Variants in DDX52 observed in about 807,000 individuals in gnomAD.
The protein encoded by DDX52 is DExD-box helicase 52.
Under a neutral mutation model 76.1 loss-of-function variants are expected in DDX52, and 59 were observed. The ratio of observed to expected loss-of-function variants is 0.78; its 90% CI spans 0.63 to 0.96. DDX52 has a LOEUF of 0.96. Among genes scored for constraint, DDX52 ranks in the 40% least tolerant of loss-of-function variants. The pLI is 0.00. For synonymous variants in DDX52, 231 were observed against 244.1 expected, an observed-to-expected ratio of 0.95 and a Z score of 0.50; for missense variants, 707 against 703.9, an observed-to-expected ratio of 1.00 and a Z score of -0.05.
In DDX52 at chr17:37,633,332, T is replaced by C. The variant is rs750468401; in HGVS notation, c.373A>G (p.Ser125Gly). The change falls in exon 3 of 15, where the codon AGT becomes GGT. Residue 125 changes from serine (S) to glycine (G), a missense_variant. Coordinates refer to ENST00000617633, the MANE Select transcript of DDX52 (RefSeq NM_007010.5). Reference protein sequence around the residue: ...KIEDKKVQRESKLTSGKLENL... With the variant: ...KIEDKKVQREGKLTSGKLENL... ...TCCAACTTTCCGGAAGTTAGTTTAC[T>C]TTCTCTCTGAACTTTTTTGTCTTCA... 4.3e-6 allele frequency: 7 copies of C among 1,612,072 alleles called. No individual in the cohort carries two copies. The highest frequency in any genetic ancestry group is 1.1e-5 in the South Asian group (1 of 90,662).
At chr17:37,632,567 G>A (rs953985241) in intron 3 of DDX52, among the ~76,000 whole-genome samples, 1 of 152,152 alleles carries the variant, frequency 6.6e-6, no homozygotes, top group Non-Finnish European at 1.5e-5. Context: ...TAGAAGGCAG[G>A]CATTGAACCC....
chr17:37,616,677 T>TAAAAAAAAAAAAAAAAA (rs2064430649), intron 14 of DDX52, among the ~76,000 whole-genome samples: 2 of 148,424 alleles, frequency 1.3e-5, no homozygotes, highest in African/African-American at 5.1e-5. Flanking sequence ...AAAAAAAAAG[T>TAAAAAAAAAAAAAAAAA]AAATGTGATT....
chr17:37,621,504 A>G lies in DDX52; in HGVS notation c.1244T>C (p.Val415Ala), dbSNP rs2030091831. The change falls in exon 10 of 15, where the codon GTT (valine) becomes GCT (alanine). Residue 415 changes from valine (V) to alanine (A), a missense_variant. Coordinates refer to ENST00000617633, the MANE Select transcript of DDX52 (RefSeq NM_007010.5). ...TTCAATGGACTGAACAAAAACAAGA[A>G]CAGGTGGATTGAAACCCTAAAAGAA... ...ELVKKGFNPP[V>A]LVFVQSIERA... The G allele has an allele frequency of 6.2e-7, 1 of 1,612,190 alleles. No individual in the cohort carries two copies. The highest frequency in any genetic ancestry group is 1.3e-5 in the African/African-American group (1 of 74,874).
At chr17:37,618,975 CA>C (rs1358699244) in intron 13 of DDX52, among the ~76,000 whole-genome samples, 1 of 152,222 alleles carries the variant, frequency 6.6e-6, no homozygotes, top group Non-Finnish European at 1.5e-5. Flanking sequence ...CAACAAGCAT[CA>C]GAGTTTGATT....
intron 7 of DDX52, among the ~76,000 whole-genome samples, chr17:37,626,586 G>A (rs1035214459): frequency 1.3e-5 from 2 of 152,178 alleles, no homozygotes; most frequent in African/African-American, 2.4e-5. Flanking sequence ...ATAGCTTAAT[G>A]TACCTATTCC....
At chr17:37,635,551 C>T (rs917138599) in intron 2 of DDX52, 5 of 450,660 alleles carry the variant, frequency 1.1e-5, no homozygotes, top group South Asian at 3.2e-5. Flanking sequence ...AACAACTTAC[C>T]GTTTTATTAC....
In DDX52 at chr17:37,630,029, C is replaced by A. The variant is rs773188116; in HGVS notation, c.747+1G>T. 27 of 1,608,258 alleles carry A rather than the reference C, an allele frequency of 1.7e-5. No individual in the cohort carries two copies. Among genetic ancestry groups the A allele is most frequent in the Non-Finnish European group, 2.2e-5 (26 of 1,178,496 alleles). On this transcript the variant is annotated splice_donor_variant, in intron 5 of 14. Coordinates refer to ENST00000617633, the MANE Select transcript of DDX52 (RefSeq NM_007010.5). LOFTEE classifies it high-confidence loss of function. ...TACTCTTCAAAAGCTACAAGTCATA[C>A]CTGGCTGGCAAGTTCTCGTGTTGGT...
At chr17:37,621,101 G>A (rs1204266758) in intron 11 of DDX52, 26 bp downstream of exon 11, 1 of 1,593,184 alleles carries the variant, frequency 6.3e-7, no homozygotes, top group Non-Finnish European at 8.5e-7. Context: ...GGGTGACAGA[G>A]GGGAAGGAAA....
Position 37,609,995 on chromosome 17 carries a change from C to T in DDX52, c.*4301G>A, listed in dbSNP as rs1249323701. 6.6e-6 allele frequency: 1 copy of T among 152,220 alleles called. No homozygotes were observed. Among genetic ancestry groups the T allele is most frequent in the Non-Finnish European group, 1.5e-5 (1 of 68,062 alleles). 9.4% of individuals were successfully genotyped at this position (152,220 alleles called of 1,614,324 possible). ...CGAAAAAACTCCAAGGTGTACTACT[C>T]TTGTTTGGTTCTGCCATCCTGCCAC... On this transcript the variant is annotated 3_prime_UTR_variant, in exon 15 of 15. Coordinates refer to ENST00000617633, the MANE Select transcript of DDX52 (RefSeq NM_007010.5).
Position 37,628,669 on chromosome 17 carries a change from G to T in DDX52, c.751C>A (p.His251Asn). Residue 251 changes from histidine to asparagine, a missense_variant, in exon 6 of 15, where the codon CAC becomes AAC. By Grantham distance (68) the His-to-Asn change is moderately conservative. Coordinates refer to ENST00000617633, the MANE Select transcript of DDX52 (RefSeq NM_007010.5). ...TCAGAAATTTTTATTAACTCTCTGT[G>T]AATCTAAAAAAAAAAAGATTAAAAA... ...SPTRELASQI[H>N]RELIKISEGT... 1 of 1,575,708 alleles carries T rather than the reference G, an allele frequency of 6.3e-7. No homozygotes were observed. The highest frequency in any genetic ancestry group is 1.2e-5 in the South Asian group (1 of 85,422).
intron 9 of DDX52, 129 bp from the exon 10 acceptor site, chr17:37,621,649 C>A: frequency 8.2e-7 from 1 of 1,225,532 alleles, no homozygotes. Context: ...ATTTCTTGGG[C>A]TAGTGGTCTA....
chr17:37,635,550 C>T (rs1404881798), intron 2 of DDX52: 2 of 451,836 alleles, frequency 4.4e-6, no homozygotes, highest in Admixed American at 4.8e-5. Context: ...CAACAACTTA[C>T]CGTTTTATTA....
intron 9 of DDX52, 80 bp downstream of exon 9, chr17:37,624,264 C>T: frequency 1.0e-6 from 1 of 985,266 alleles, no homozygotes; most frequent in Non-Finnish European, 1.5e-6. Flanking sequence ...TGATACAGTG[C>T]TACCACTGTA....
chr17:37,623,754 C>CT, intron 9 of DDX52, among the ~76,000 whole-genome samples: 1 of 152,182 alleles, frequency 6.6e-6, no homozygotes, highest in Non-Finnish European at 1.5e-5. Context: ...AAAAAGTACT[C>CT]TTTAGCCCTT....
chr17:37,632,293 G>A lies in DDX52; in HGVS notation c.423C>T (p.Asn141=). Residue 141 remains asparagine (N), a synonymous_variant, in exon 4 of 15, where the codon AAC becomes AAT. Coordinates refer to ENST00000617633, the MANE Select transcript of DDX52 (RefSeq NM_007010.5). ...KLENLRKEKI[N]FLRNKHKIHV... The stretch of plus-strand genomic sequence containing the variant: ...GAATTTTGTGTTTATTCCGCAAGAA[G>A]TTTATCTGAAAAGTGAAGTAAAGAG... 1.9e-6 allele frequency: 3 copies of A among 1,614,022 alleles called. No individual in the cohort carries two copies. The highest frequency in any genetic ancestry group is 2.5e-6 in the Non-Finnish European group (3 of 1,179,970).
chr17:37,619,077 A>G (rs2029941689), intron 13 of DDX52, among the ~76,000 whole-genome samples: 1 of 152,186 alleles, frequency 6.6e-6, no homozygotes, highest in African/African-American at 2.4e-5. Flanking sequence ...GAATCTGAAT[A>G]CTTCACATTT....
intron 4 of DDX52, chr17:37,630,826 G>C (rs1046020498): frequency 1.3e-5 from 2 of 152,174 alleles, no homozygotes; most frequent in African/African-American, 2.4e-5. Context: ...ATTTTTAGTA[G>C]AGACAGGGTT....
chr17:37,635,058 C>T (rs1430260151), intron 2 of DDX52, among the ~76,000 whole-genome samples: 1 of 152,062 alleles, frequency 6.6e-6, no homozygotes, highest in Non-Finnish European at 1.5e-5. Context: ...CTCAGCCTCC[C>T]AAAGTTTTGG....
At chr17:37,636,882 A>G (rs951921225) in intron 2 of DDX52, among the ~76,000 whole-genome samples, 2 of 152,240 alleles carry the variant, frequency 1.3e-5, no homozygotes, top group African/African-American at 4.8e-5. Context: ...ACAATAGCCA[A>G]CACCACAGAC....
Sources: gnomAD v4.1 joint callset for allele counts (sites outside exome capture counted in the v4.1 genomes callset) on GRCh38, gnomAD v4.1.1 for gene constraint, MANE v1.5 for transcripts, NCBI Gene and HGNC (gene_info 2026-07-23, HGNC 2026-07-21) for gene names.